KCNK17: variants seen among roughly 807,000 people sequenced by gnomAD.
KCNK17 encodes potassium channel subfamily K member 17.
Under a neutral mutation model 24.6 loss-of-function variants are expected in KCNK17, and 27 were observed. The observed-to-expected ratio is 1.10, with a 90% CI of 0.81 to 1.51. The LOEUF is 1.51. Ranked by LOEUF, KCNK17 falls within the 40% of genes most tolerant of loss-of-function variation. The pLI, the probability that KCNK17 is intolerant of heterozygous loss-of-function variation, is 0.00. For synonymous variants in KCNK17, 181 were observed against 189.8 expected (o/e 0.95, Z 0.38); for missense variants, 450 against 436.6 (o/e 1.03, Z -0.27).
intron 2 of KCNK17, among the ~76,000 whole-genome samples, chr6:39,308,298 A>G (rs1762069962): frequency 6.6e-6 from 1 of 152,144 alleles, no homozygotes; most frequent in South Asian, 2.1e-4. Flanking sequence ...GTATGTATGT[A>G]CTTATCTTTT....
intron 2 of KCNK17, 39 bp downstream of exon 2, chr6:39,310,854 T>TG (rs2113840537): frequency 1.3e-3 from 1,369 of 1,081,568 alleles, no homozygotes; most frequent in Non-Finnish European, 1.6e-3. Context: ...GCTGCCTCCT[T>TG]CCCCCACCCC....
intron 2 of KCNK17, among the ~76,000 whole-genome samples, chr6:39,305,826 T>G (rs1762025900): frequency 6.6e-6 from 1 of 152,184 alleles, no homozygotes; most frequent in African/African-American, 2.4e-5. Context: ...CCTCTGCACC[T>G]TTGACCACAA....
At position 39,302,385 on chromosome 6, in the gene KCNK17, T is replaced by C. The variant is rs77897458; in HGVS notation, c.688+1572A>G. 7.8e-3 allele frequency among the ~76,000 whole-genome samples: 1,186 copies of C among 152,238 alleles called. 21 individuals are homozygous for C. Among genetic ancestry groups the C allele is most frequent in the African/African-American group, 0.027 (1,121 of 41,528 alleles). On this transcript the variant is annotated intron_variant, in intron 4 of 4. Coordinates refer to ENST00000373231, the MANE Select transcript of KCNK17 (RefSeq NM_031460.4). ...GTATTGGTAGGAGGGGGGTTACAGA[T>C]TTTGGACTTTATCCTAAAACTATGG...
rs575433323 is a variant in KCNK17, at chr6:39,299,829, T to C, written c.689-92A>G. 2.1e-4 allele frequency: 291 copies of C among 1,364,524 alleles called. 1 individual carries two copies. Among genetic ancestry groups the C allele is most frequent in the African/African-American group, 2.9e-5 (2 of 69,478 alleles). 84.5% of individuals were successfully genotyped at this position (1,364,524 alleles called of 1,614,324 possible). A position where few individuals can be genotyped will look rare whatever the true frequency, so the allele number is the denominator to read the frequency against. On this transcript the variant is annotated intron_variant, in intron 4 of 4. Coordinates refer to ENST00000373231, the MANE Select transcript of KCNK17 (RefSeq NM_031460.4). Reference sequence around the variant, plus strand: ...ACAGAGATACATGGTTTGATTCATATAAGCAAGTTGAGGTGCCAATGGGAC... The same window carrying C: ...ACAGAGATACATGGTTTGATTCATACAAGCAAGTTGAGGTGCCAATGGGAC...
chr6:39,311,036 G>A (rs370714528), intron 1 of KCNK17, 29 bp from the exon 2 acceptor site: 2 of 1,366,078 alleles, frequency 1.5e-6, no homozygotes, highest in Non-Finnish European at 2.0e-6. Context: ...TGACCACCAG[G>A]CTCTGTGGGG....
intron 4 of KCNK17, among the ~76,000 whole-genome samples, chr6:39,303,614 G>A (rs1761980543): frequency 6.6e-6 from 1 of 152,224 alleles, no homozygotes; most frequent in African/African-American, 2.4e-5. Flanking sequence ...CCCCAGAGAA[G>A]TGGGACAGAT....
intron 4 of KCNK17, 142 bp downstream of exon 4, chr6:39,303,815 G>T: frequency 2.2e-6 from 2 of 904,734 alleles, no homozygotes; most frequent in Admixed American, 2.2e-5. Context: ...CAACAAAAGC[G>T]GGTAGGACAG....
chr6:39,306,078 C>T (rs1385853366), intron 2 of KCNK17, among the ~76,000 whole-genome samples: 11 of 147,972 alleles, frequency 7.4e-5, no homozygotes, highest in Admixed American at 2.7e-4. Flanking sequence ...TAGTTTCGCT[C>T]TCTTGCCCAG....
In KCNK17 at chr6:39,303,982, G is replaced by A. The variant is rs142837787; in HGVS notation, c.663C>T (p.Thr221=). Residue 221 remains threonine (T), a synonymous_variant, in exon 4 of 5, where the codon ACC becomes ACT. Coordinates refer to ENST00000373231, the MANE Select transcript of KCNK17 (RefSeq NM_031460.4). ...GFYFAFITLS[T]VGFGDYVIGM... ...CAATCACGTAGTCGCCGAAGCCCAC[G>A]GTGCTGAGGGTGATGAAGGCGAAGT... 176 of 1,613,408 alleles carry A rather than the reference G, an allele frequency of 1.1e-4. No homozygotes were observed. Among genetic ancestry groups the A allele is most frequent in the African/African-American group, 1.0e-3 (77 of 75,038 alleles).
In KCNK17 at chr6:39,304,073, A is replaced by T. The variant is rs1207514891; in HGVS notation, c.572T>A (p.Leu191His). The T allele has an allele frequency of 1.2e-6, 2 of 1,613,070 alleles. No homozygotes were observed. Among genetic ancestry groups the T allele is most frequent in the African/African-American group, 2.7e-5 (2 of 74,910 alleles). ...GSGALLSGLL[L>H]FLLLPPLLFS... ...GAGCAGCGGTGGCAGCAGCAGGAAG[A>T]GCAGGAGGCCCGAGAGGAGGGCGCC... Residue 191 changes from leucine to histidine, a missense_variant, in exon 4 of 5, where the codon CTC becomes CAC. Physicochemically the swap from Leu to His is moderately conservative, Grantham distance 99. Coordinates refer to ENST00000373231, the MANE Select transcript of KCNK17 (RefSeq NM_031460.4).
chr6:39,304,633 G>A lies in KCNK17; in HGVS notation c.375C>T (p.Asn125=). 3 of 1,612,886 alleles carry A rather than the reference G, an allele frequency of 1.9e-6. No homozygotes were observed. The highest frequency in any genetic ancestry group is 1.3e-5 in the African/African-American group (1 of 75,026). ...TTIGYGNLSP[N]TMAARLFCIF... ...TGCAGAAGAGGCGGGCAGCCATCGT[G>A]TTGGGGCTCAGGTTGCCATAGCCTG... Residue 125 remains asparagine, a synonymous_variant, in exon 3 of 5, where the codon AAC becomes AAT. Coordinates refer to ENST00000373231, the MANE Select transcript of KCNK17 (RefSeq NM_031460.4).
rs371995648 is a variant in KCNK17, at chr6:39,299,414, G to T, written c.*13C>A. ...CTTGCTACCGAGGACGACGACCAAA[G>T]AATGGAGTATAACTAGCTGTCCTTG... is the stretch of plus-strand genomic sequence containing the variant. On this transcript the variant is annotated 3_prime_UTR_variant, in exon 5 of 5. Coordinates refer to ENST00000373231, the MANE Select transcript of KCNK17 (RefSeq NM_031460.4). 192 of 1,598,314 alleles carry T rather than the reference G, an allele frequency of 1.2e-4. No homozygotes were observed. Among genetic ancestry groups the T allele is most frequent in the Non-Finnish European group, 1.6e-4 (182 of 1,167,964 alleles).
intron 4 of KCNK17, 85 bp downstream of exon 4, chr6:39,303,872 G>T: frequency 2.1e-6 from 3 of 1,451,494 alleles, no homozygotes; most frequent in Admixed American, 1.7e-5. Flanking sequence ...CGTGCACACA[G>T]CAGGTGCGCC....
intron 2 of KCNK17, 110 bp from the exon 3 acceptor site, chr6:39,304,765 T>C: frequency 1.7e-6 from 2 of 1,193,198 alleles, no homozygotes. Flanking sequence ...TAACCCACTG[T>C]AGATGTGGGC....
intron 2 of KCNK17, among the ~76,000 whole-genome samples, chr6:39,308,110 C>T (rs1362948177): frequency 6.6e-6 from 1 of 152,178 alleles, no homozygotes; most frequent in Non-Finnish European, 1.5e-5. Flanking sequence ...TAAGCACACC[C>T]CACTACCTGA....
intron 4 of KCNK17, 145 bp downstream of exon 4, chr6:39,303,812 A>T (rs1454871599): frequency 2.3e-6 from 2 of 887,872 alleles, no homozygotes; most frequent in Non-Finnish European, 3.5e-6. Context: ...ACACAACAAA[A>T]GCGGGTAGGA....
chr6:39,314,415 C>G lies in KCNK17; in HGVS notation c.-95G>C. The G allele has an allele frequency of 2.2e-6, 2 of 914,458 alleles. No individual in the cohort carries two copies. The highest frequency in any genetic ancestry group is 4.1e-5 in the South Asian group (2 of 49,368). The allele number at this position is 914,458 out of a possible 1,614,324, so 56.6% of individuals were successfully genotyped here. A position where few individuals can be genotyped will look rare whatever the true frequency, so the allele number is the denominator to read the frequency against. ...TCCAGCTCGTATCTCCTCTCGCAAA[C>G]GCCTGCTGGTGCCCGGTTTCGCCGG... On this transcript the variant is annotated 5_prime_UTR_variant, in exon 1 of 5. Transcript: ENST00000373231.
At chr6:39,310,854 T>TGCCCCAC in intron 2 of KCNK17, 39 bp downstream of exon 2, 3 of 1,084,966 alleles carry the variant, frequency 2.8e-6, no homozygotes, top group Non-Finnish European at 4.0e-6. Context: ...GCTGCCTCCT[T>TGCCCCAC]CCCCCACCCC....
chr6:39,301,212 A>T (rs1761946174), intron 4 of KCNK17, among the ~76,000 whole-genome samples: 1 of 152,212 alleles, frequency 6.6e-6, no homozygotes, highest in Non-Finnish European at 1.5e-5. Context: ...CCTATCATTT[A>T]GTACCCTCCC....
Sources: gnomAD v4.1 joint callset for allele counts (sites outside exome capture counted in the v4.1 genomes callset) on GRCh38, gnomAD v4.1.1 for gene constraint, MANE v1.5 for transcripts, NCBI Gene and HGNC (gene_info 2026-07-23, HGNC 2026-07-21) for gene names.